Variants in ABCB5 observed in about 807,000 individuals in gnomAD.
ABCB5 encodes the protein ATP-binding cassette sub-family B member 5.
Under a neutral mutation model 144.2 loss-of-function variants are expected in ABCB5, and 155 were observed. The observed-to-expected ratio is 1.08, with a 90% CI of 0.94 to 1.23. The LOEUF (loss-of-function observed/expected upper bound fraction) is 1.23, where lower values mean the gene tolerates loss of function less well. Ranked by LOEUF, ABCB5 falls within the 50% of genes most tolerant of loss-of-function variation. The pLI is 0.00. For synonymous variants in ABCB5, 610 were observed against 528.6 expected, an observed-to-expected ratio of 1.15 and a Z score of -2.11; for missense variants, 1,830 against 1,520.8, an observed-to-expected ratio of 1.20 and a Z score of -3.38.
intron 16 of ABCB5, among the ~76,000 whole-genome samples, chr7:20,691,582 TTTTATTTA>T (rs71020667): frequency 4.8e-5 from 7 of 146,808 alleles, no homozygotes; most frequent in South Asian, 2.1e-4. Flanking sequence ...TTAAATTCAT[TTTTATTTA>T]TTTATTTATT....
chr7:20,651,832 G>C, intron 13 of ABCB5: 1 of 546,776 alleles, frequency 1.8e-6, no homozygotes, highest in Non-Finnish European at 3.2e-6. Flanking sequence ...CACATTATGA[G>C]ATTTTTTTGT....
At chr7:20,648,350 G>C (rs1233003062) in intron 11 of ABCB5, among the ~76,000 whole-genome samples, 4 of 152,078 alleles carry the variant, frequency 2.6e-5, no homozygotes, top group Non-Finnish European at 4.4e-5. Context: ...AAATGTCTTG[G>C]GTTGACGCTG....
At chr7:20,677,914 C>T (rs1785667733) in intron 14 of ABCB5, among the ~76,000 whole-genome samples, 1 of 152,078 alleles carries the variant, frequency 6.6e-6, no homozygotes, top group Non-Finnish European at 1.5e-5. Context: ...GGGTCCAGCA[C>T]AAAATGAAAA....
intron 12 of ABCB5, 105 bp downstream of exon 12, chr7:20,650,252 G>C: frequency 7.1e-7 from 1 of 1,403,652 alleles, no homozygotes; most frequent in Non-Finnish European, 9.6e-7. Context: ...AGAGCTGGGA[G>C]AGAAGCCATA....
intron 23 of ABCB5, among the ~76,000 whole-genome samples, chr7:20,731,369 A>AAAAATATAT (rs57305244): frequency 8.1e-6 from 1 of 123,102 alleles, no homozygotes; most frequent in African/African-American, 3.3e-5. Context: ...AAAAAAAAAA[A>AAAAATATAT]ATATATATAT....
chr7:20,651,132 C>A (rs1044209919), intron 12 of ABCB5, among the ~76,000 whole-genome samples: 1 of 152,068 alleles, frequency 6.6e-6, no homozygotes, highest in Non-Finnish European at 1.5e-5. Flanking sequence ...ATTTGCGGAA[C>A]CTAGAGTATG....
At chr7:20,619,488 G>C (rs1320954246) in intron 1 of ABCB5, among the ~76,000 whole-genome samples, 3 of 152,154 alleles carry the variant, frequency 2.0e-5, no homozygotes, top group Admixed American at 6.5e-5. Flanking sequence ...CTTCTCTTGA[G>C]AAGTGTTTGT....
chr7:20,625,742 T>TTC (rs1391610585), intron 2 of ABCB5, among the ~76,000 whole-genome samples: 1 of 152,184 alleles, frequency 6.6e-6, no homozygotes, highest in Non-Finnish European at 1.5e-5. Flanking sequence ...AGTGTGAATG[T>TTC]TCCTCAAAAA....
At chr7:20,669,720 C>T (rs556955659) in intron 14 of ABCB5, among the ~76,000 whole-genome samples, 1 of 47,950 alleles carries the variant, frequency 2.1e-5, no homozygotes, top group African/African-American at 9.7e-5. Flanking sequence ...CAAGAATGAT[C>T]AATAAAAAAA....
chr7:20,704,075 CT>C (rs71020669), intron 19 of ABCB5, among the ~76,000 whole-genome samples: 49 of 80,762 alleles, frequency 6.1e-4, no homozygotes, highest in Admixed American at 2.0e-4. Context: ...TATTGCCTTC[CT>C]TTTTTTTTTT....
At chr7:20,731,930 C>T (rs559406334) in intron 23 of ABCB5, among the ~76,000 whole-genome samples, 1 of 152,304 alleles carries the variant, frequency 6.6e-6, no homozygotes, top group South Asian at 2.1e-4. Flanking sequence ...AATCCATTCT[C>T]CACACTGCAG....
At chr7:20,715,814 G>A (rs1781657517) in intron 20 of ABCB5, among the ~76,000 whole-genome samples, 1 of 151,714 alleles carries the variant, frequency 6.6e-6, no homozygotes, top group Non-Finnish European at 1.5e-5. Context: ...CCGCCTCCCG[G>A]GTTCAAGCGA....
At chr7:20,711,580 G>A (rs1787034891) in intron 20 of ABCB5, among the ~76,000 whole-genome samples, 1 of 147,716 alleles carries the variant, frequency 6.8e-6, no homozygotes, top group Non-Finnish European at 1.5e-5. Context: ...TCCCACTTCA[G>A]CCTCCTGAGT....
intron 13 of ABCB5, 75 bp downstream of exon 13, chr7:20,651,698 C>A: frequency 6.9e-7 from 1 of 1,450,296 alleles, no homozygotes; most frequent in Non-Finnish European, 9.6e-7. Flanking sequence ...GGTAATGAAA[C>A]AACAACTGAT....
chr7:20,667,856 C>A (rs867455874), intron 14 of ABCB5, among the ~76,000 whole-genome samples: 1 of 145,822 alleles, frequency 6.9e-6, no homozygotes, highest in Non-Finnish European at 1.5e-5. Context: ...CGAGTGCCTG[C>A]GATTGCAGGC....
In ABCB5 at chr7:20,659,103, C is replaced by A. The variant is rs187753060; in HGVS notation, c.1707+427C>A. 115 of 1,614,014 alleles carry A rather than the reference C, an allele frequency of 7.1e-5. 4 individuals are homozygous for A. The Admixed American group carries it at 1.4e-3, about 19-fold the overall frequency. On this transcript the variant is annotated intron_variant, in intron 14 of 27. Coordinates refer to ENST00000404938, the MANE Select transcript of ABCB5 (RefSeq NM_001163941.2). ...TATTCATTTTGACCTAATTTCACCTCAAGTGGAGAATCGCTGACCTTGAAC... is the reference window on the plus strand; with the variant it reads ...TATTCATTTTGACCTAATTTCACCTAAAGTGGAGAATCGCTGACCTTGAAC...
In ABCB5 at chr7:20,651,546, G is replaced by GA. The variant is rs764115412; in HGVS notation, c.1460dup (p.Asp487GlufsTer2). 16 of 1,614,098 alleles carry GA rather than the reference G, an allele frequency of 9.9e-6. No individual in the cohort carries two copies. The East Asian group carries it at 3.3e-4, about 34-fold the overall frequency. ...CAGTAACAATATCAAGTATGGACGAGATGATGTGACTGATGAAGAGATGGA... is the reference window on the plus strand; with the variant it reads ...CAGTAACAATATCAAGTATGGACGAGAATGATGTGACTGATGAAGAGATGGA... On this transcript the variant is annotated frameshift_variant, in exon 13 of 28. Transcript: ENST00000404938. LOFTEE classifies it high-confidence loss of function.
rs761210261 is a variant in ABCB5 at position 20,723,005 on chromosome 7, T to A, written c.2422-11T>A. 1.2e-6 allele frequency: 2 copies of A among 1,613,510 alleles called. No individual in the cohort carries two copies. Among genetic ancestry groups the A allele is most frequent in the Non-Finnish European group, 1.7e-6 (2 of 1,179,506 alleles). The stretch of plus-strand genomic sequence containing the variant: ...ATTGAGTTTTTTCCCCCAAAATATG[T>A]CTGATTATAGGCAACAGGTTCCAGG... On this transcript the variant is annotated splice_polypyrimidine_tract_variant and intron_variant, in intron 20 of 27. Transcript: ENST00000404938.
At chr7:20,641,323 A>G (rs928274682) in intron 5 of ABCB5, among the ~76,000 whole-genome samples, 2 of 144,552 alleles carry the variant, frequency 1.4e-5, no homozygotes, top group African/African-American at 2.7e-5. Context: ...GGAAGAATCT[A>G]TTAAACAAAG....
Sources: allele counts gnomAD v4.1 joint callset (sites outside exome capture counted in the v4.1 genomes callset), GRCh38; gene constraint gnomAD v4.1.1; transcripts MANE v1.5; gene names NCBI Gene and HGNC (gene_info 2026-07-23, HGNC 2026-07-21).